The following DCDC1 variants were observed in gnomAD, a reference collection of about 807,000 sequenced individuals.
DCDC1 encodes the protein doublecortin domain-containing protein 1.
In DCDC1, 200 loss-of-function variants were observed where a neutral mutation model predicts 178.3. The ratio of observed to expected loss-of-function variants is 1.12; its 90% confidence interval spans 1.00 to 1.26. The LOEUF (loss-of-function observed/expected upper bound fraction) is 1.26. Among genes scored for constraint, DCDC1 ranks in the 50% most tolerant of loss-of-function variants. DCDC1 has a pLI of 0.00. For missense variants in DCDC1, 1,983 were observed against 1,749.2 expected (o/e 1.13, Z -2.38); for synonymous variants, 690 against 604.8 (o/e 1.14, Z -2.07).
chr11:30,991,035 G>T (rs1950948792), intron 20 of DCDC1, among the ~76,000 whole-genome samples: 1 of 152,180 alleles, frequency 6.6e-6, no homozygotes, highest in Non-Finnish European at 1.5e-5. Context: ...CTGTAATATT[G>T]CTGGCATAAA....
chr11:31,040,910 C>G (rs1370319326), intron 20 of DCDC1, among the ~76,000 whole-genome samples: 1 of 152,144 alleles, frequency 6.6e-6, no homozygotes, highest in Non-Finnish European at 1.5e-5. Flanking sequence ...TGGTGAAGCA[C>G]CAAGGCATCA....
chr11:31,079,834 C>T (rs1957073329), intron 17 of DCDC1, among the ~76,000 whole-genome samples: 1 of 151,952 alleles, frequency 6.6e-6, no homozygotes, highest in Non-Finnish European at 1.5e-5. Context: ...GGGTAAGTCT[C>T]AGATGTCAAA....
At chr11:31,312,869 A>C (rs1948852179) in intron 3 of DCDC1, 2 of 152,108 alleles carry the variant, frequency 1.3e-5, no homozygotes, top group Admixed American at 1.3e-4. Context: ...AATATGCAGT[A>C]TATAGGCTGG....
At chr11:31,097,219 A>G (rs1164655800) in intron 15 of DCDC1, among the ~76,000 whole-genome samples, 1 of 152,238 alleles carries the variant, frequency 6.6e-6, no homozygotes, top group African/African-American at 2.4e-5. Flanking sequence ...ATTTTTCCCA[A>G]ATAGCTAATG....
At chr11:31,325,903 CA>C (rs766920028) in intron 3 of DCDC1, among the ~76,000 whole-genome samples, 21 of 152,162 alleles carry the variant, frequency 1.4e-4, no homozygotes, top group South Asian at 2.1e-4. Context: ...TAACCTCAAT[CA>C]GGGGGGAAAT....
At position 30,925,324 on chromosome 11, in the gene DCDC1, C is replaced by T. The variant is rs1433947286; in HGVS notation, c.2982G>A (p.Leu994=). 1 of 1,613,628 alleles carries T rather than the reference C, an allele frequency of 6.2e-7. No individual in the cohort carries two copies. The highest frequency in any genetic ancestry group is 1.7e-5 in the Admixed American group (1 of 59,982). ...KGKEIFALKD[L]QRDELVYVSC... The stretch of plus-strand genomic sequence containing the variant: ...ATGTCTTTACCAGTTCATCTCTTTG[C>T]AGGTCTTTTAAGGCAAATATTTCCT... The change falls in exon 23 of 39, where the codon CTG becomes CTA. Residue 994 remains leucine (L), a synonymous_variant. Coordinates refer to ENST00000684477, the MANE Select transcript of DCDC1 (RefSeq NM_001387274.1).
chr11:31,160,324 TATG>T (rs1591266503), intron 9 of DCDC1, among the ~76,000 whole-genome samples: 1 of 152,198 alleles, frequency 6.6e-6, no homozygotes, highest in Non-Finnish European at 1.5e-5. Flanking sequence ...CTTACTAAGT[TATG>T]ATATTACTTG....
intron 17 of DCDC1, 66 bp downstream of exon 17, chr11:31,091,327 T>C (rs1957809233): frequency 8.9e-6 from 6 of 674,068 alleles, no homozygotes; most frequent in African/African-American, 1.8e-5. Context: ...GGCATCACAA[T>C]TGAACTGCTC....
chr11:31,012,860 A>T (rs1180863344), intron 20 of DCDC1, among the ~76,000 whole-genome samples: 1 of 152,188 alleles, frequency 6.6e-6, no homozygotes, highest in Non-Finnish European at 1.5e-5. Flanking sequence ...TATCTTGTTG[A>T]CAGAACAATA....
chr11:31,115,996 T>TGGGGGG (rs1555066794), intron 11 of DCDC1, among the ~76,000 whole-genome samples: 129 of 44,850 alleles, frequency 2.9e-3, no homozygotes, highest in Middle Eastern at 0.014. Flanking sequence ...GGGGGGGGGA[T>TGGGGGG]GGGTATCTCA....
chr11:31,227,975 C>A (rs926684816), intron 9 of DCDC1, among the ~76,000 whole-genome samples: 2 of 151,846 alleles, frequency 1.3e-5, no homozygotes, highest in Non-Finnish European at 2.9e-5. Context: ...TAAAATAATA[C>A]AAACCCAATA....
At position 31,305,694 on chromosome 11, in the gene DCDC1, T is replaced by C. The variant is rs757564423; in HGVS notation, c.675A>G (p.Glu225=). The change falls in exon 6 of 39, where the codon GAA becomes GAG. Residue 225 remains glutamate (E), a synonymous_variant. Coordinates refer to ENST00000684477, the MANE Select transcript of DCDC1 (RefSeq NM_001387274.1). ...VFLADGKEAL[E]PEDIPHEADV... ...CGGCTTCATGGGGTATATCTTCAGGTTCGAGGGCTTCCTTGCCGTCTGCCA... is the reference window on the plus strand; with the variant it reads ...CGGCTTCATGGGGTATATCTTCAGGCTCGAGGGCTTCCTTGCCGTCTGCCA... 2.5e-6 allele frequency: 4 copies of C among 1,613,796 alleles called. No individual in the cohort carries two copies. In the Admixed American group the frequency reaches 6.7e-5, roughly 27 times the overall value.
intron 9 of DCDC1, among the ~76,000 whole-genome samples, chr11:31,240,450 C>CA (rs2136885591): frequency 6.6e-6 from 1 of 152,050 alleles, no homozygotes. Flanking sequence ...TACCTTAGTA[C>CA]AACACTTTAT....
chr11:31,289,677 A>G (rs1353561199), intron 7 of DCDC1, among the ~76,000 whole-genome samples: 2 of 152,054 alleles, frequency 1.3e-5, no homozygotes, highest in African/African-American at 4.8e-5. Context: ...TATGAGTCTC[A>G]AAAATGAGAC....
At chr11:30,871,590 A>T (rs562858839) in intron 38 of DCDC1, among the ~76,000 whole-genome samples, 2 of 152,134 alleles carry the variant, frequency 1.3e-5, no homozygotes, top group African/African-American at 4.8e-5. Flanking sequence ...CTATCTTTTT[A>T]TATAGCACTG....
chr11:30,965,038 G>A (rs1265103320), intron 20 of DCDC1, among the ~76,000 whole-genome samples: 5 of 152,176 alleles, frequency 3.3e-5, no homozygotes, highest in African/African-American at 1.2e-4. Context: ...GTGGCTTGGA[G>A]CCTGAAGACA....
At chr11:31,236,283 C>A (rs1976453192) in intron 9 of DCDC1, among the ~76,000 whole-genome samples, 1 of 151,996 alleles carries the variant, frequency 6.6e-6, no homozygotes, top group Admixed American at 6.6e-5. Flanking sequence ...AGAAAATTGT[C>A]ACAGTCGATC....
At chr11:30,974,267 C>A in intron 20 of DCDC1, among the ~76,000 whole-genome samples, 1 of 146,548 alleles carries the variant, frequency 6.8e-6, no homozygotes. Flanking sequence ...CAATAAACAG[C>A]TGCATCAAAA....
intron 33 of DCDC1, 56 bp from the exon 34 acceptor site, chr11:30,899,698 A>G: frequency 8.2e-7 from 1 of 1,213,946 alleles, no homozygotes; most frequent in Non-Finnish European, 1.1e-6. Flanking sequence ...ACGCGCACCA[A>G]TAATTTATAA....
Sources: gnomAD v4.1 joint callset for allele counts (sites outside exome capture counted in the v4.1 genomes callset) on GRCh38, gnomAD v4.1.1 for gene constraint, MANE v1.5 for transcripts, NCBI Gene and HGNC (gene_info 2026-07-23, HGNC 2026-07-21) for gene names.